NFRKB: variants seen among roughly 807,000 people sequenced by gnomAD.
NFRKB encodes nuclear factor related to kappaB binding protein, also known as nuclear factor related to kappa-B-binding protein.
In NFRKB, 62 loss-of-function variants were observed where a neutral mutation model predicts 135.7. That is an observed-to-expected ratio of 0.46 (90% CI 0.37 to 0.56). The LOEUF is 0.56. Ranked by LOEUF, NFRKB falls within the 20% of genes least tolerant of loss-of-function variation. The pLI is 0.00. For synonymous variants in NFRKB, 678 were observed against 635.6 expected, an observed-to-expected ratio of 1.07 and a Z score of -1.00; for missense variants, 1,545 against 1,662.0, an observed-to-expected ratio of 0.93 and a Z score of 1.22.
At chr11:129,889,246 G>T (rs1022124635) in intron 3 of NFRKB, among the ~76,000 whole-genome samples, 1 of 152,120 alleles carries the variant, frequency 6.6e-6, no homozygotes, top group Non-Finnish European at 1.5e-5. Flanking sequence ...ACAGGCATGA[G>T]CCACCATGCC....
chr11:129,871,892 A>G (rs1386073194), intron 23 of NFRKB, among the ~76,000 whole-genome samples: 1 of 151,172 alleles, frequency 6.6e-6, no homozygotes, highest in East Asian at 2.0e-4. Context: ...TAATCTAACT[A>G]CTGGCAACCT....
At chr11:129,881,975 A>G in intron 11 of NFRKB, 111 bp downstream of exon 11, 1 of 1,471,458 alleles carries the variant, frequency 6.8e-7, no homozygotes, top group Non-Finnish European at 9.1e-7. Flanking sequence ...AAGCAAGTTA[A>G]CTACAGAGCG....
At chr11:129,888,455 G>T in intron 4 of NFRKB, 139 bp downstream of exon 4, 1 of 860,978 alleles carries the variant, frequency 1.2e-6, no homozygotes. Flanking sequence ...ACAGCAAAGT[G>T]TTACACAAAA....
Position 129,869,881 on chromosome 11 carries a change from G to T in NFRKB, c.3144C>A (p.Leu1048=). 6.2e-7 allele frequency: 1 copy of T among 1,614,250 alleles called. No individual in the cohort carries two copies. Among genetic ancestry groups the T allele is most frequent in the Non-Finnish European group, 8.5e-7 (1 of 1,180,050 alleles). Residue 1048 remains leucine, a synonymous_variant, in exon 24 of 27, where the codon CTC becomes CTA. Transcript: ENST00000682444. The part of the protein sequence containing the change: ...GTTVVKVTPD[L]KPTEASSSAF... ...CCGAACTTGAGGCTTCTGTTGGCTT[G>T]AGGTCAGGAGTCACTTTGACCACAG...
At position 129,874,220 on chromosome 11, in the gene NFRKB, G is replaced by A. The variant is rs766915430; in HGVS notation, c.2172C>T (p.Thr724=). The change falls in exon 21 of 27, where the codon ACC becomes ACT. Residue 724 remains threonine (T), a synonymous_variant. Coordinates refer to ENST00000682444, the MANE Select transcript of NFRKB (RefSeq NM_001143835.2). This position sits in a 1 kb window ranked among gnomAD's most constrained non-coding sequence, Gnocchi z 4.5. ...SMPPTPVTPV[T]PTTPALPAIP... ...TGGCGGGCAATGCTGGTGTGGTGGG[G>A]GTTACAGGTGTGACTGGGGTGGGTG... 2.0e-6 allele frequency: 3 copies of A among 1,519,968 alleles called. No homozygotes were observed. Among genetic ancestry groups the A allele is most frequent in the South Asian group, 2.7e-5 (2 of 74,094 alleles). 94.2% of individuals were successfully genotyped at this position (1,519,968 alleles called of 1,614,324 possible).
intron 15 of NFRKB, 58 bp downstream of exon 15, chr11:129,878,251 G>A: frequency 1.3e-6 from 2 of 1,555,084 alleles, no homozygotes; most frequent in African/African-American, 1.4e-5. Flanking sequence ...CAAAACCAAG[G>A]CAGTATCTGA....
In NFRKB at chr11:129,883,173, G is replaced by T. The variant is rs151192421; in HGVS notation, c.850C>A (p.Leu284Ile). Residue 284 changes from leucine to isoleucine, a missense_variant, in exon 9 of 27, where the codon CTC (leucine) becomes ATC (isoleucine). Leu to Ile is a conservative substitution (Grantham distance 5, BLOSUM62 2). Around this residue, in one of 3 missense-constraint regions of NFRKB, gnomAD observed 678 missense variants for 646.7 expected, o/e 1.05. Transcript: ENST00000682444. The part of the protein sequence containing the change: ...HPDLLTGDLT[L>I]NDIMTRVNAG... Reference sequence around the variant, plus strand: ...TTTACTCGAGTCATGATGTCATTGAGAGTCAGGTCCCCTGTCAAAAGGTCC... The same window carrying T: ...TTTACTCGAGTCATGATGTCATTGATAGTCAGGTCCCCTGTCAAAAGGTCC... 6.2e-7 allele frequency: 1 copy of T among 1,614,130 alleles called. No homozygotes were observed. Among genetic ancestry groups the T allele is most frequent in the Non-Finnish European group, 8.5e-7 (1 of 1,180,030 alleles).
chr11:129,881,121 A>G (rs1300417052), intron 13 of NFRKB, among the ~76,000 whole-genome samples: 1 of 152,240 alleles, frequency 6.6e-6, no homozygotes, highest in African/African-American at 2.4e-5. Context: ...ATTACAAATT[A>G]ATCCAAAGTC....
At chr11:129,888,857 C>A (rs76991041) in intron 3 of NFRKB, 62 bp from the exon 4 acceptor site, 1 of 1,225,288 alleles carries the variant, frequency 8.2e-7, no homozygotes, top group Non-Finnish European at 1.2e-6. Context: ...TGTATGTATG[C>A]GTATACAAAA....
intron 15 of NFRKB, among the ~76,000 whole-genome samples, chr11:129,878,087 C>T (rs549614202): frequency 1.4e-4 from 21 of 152,196 alleles, no homozygotes; most frequent in African/African-American, 4.8e-4. Context: ...GGTCATATGC[C>T]CCTTAGAGGC....
chr11:129,887,910 G>A (rs1019977764), intron 4 of NFRKB, among the ~76,000 whole-genome samples: 12 of 152,208 alleles, frequency 7.9e-5, no homozygotes, highest in Non-Finnish European at 1.0e-4. Flanking sequence ...GGTGGCGGGC[G>A]CCTGTAGTCC....
At chr11:129,888,348 G>A in intron 4 of NFRKB, 1 of 649,088 alleles carries the variant, frequency 1.5e-6, no homozygotes, top group African/African-American at 1.9e-5. Context: ...TTTTTATGTA[G>A]ATGCTGGTTA....
At chr11:129,873,705 T>C in intron 22 of NFRKB, 40 bp downstream of exon 22, 1 of 1,598,758 alleles carries the variant, frequency 6.3e-7, no homozygotes, top group East Asian at 2.2e-5. Context: ...CCTCTGGGTC[T>C]GCATCTCTGC....
chr11:129,874,254 G>T lies in NFRKB; in HGVS notation c.2138C>A (p.Ser713Tyr). 6.6e-7 allele frequency: 1 copy of T among 1,517,970 alleles called. No homozygotes were observed. The highest frequency in any genetic ancestry group is 8.8e-7 in the Non-Finnish European group (1 of 1,135,562). The allele number at this position is 1,517,970 out of a possible 1,614,324, so 94.0% of individuals were successfully genotyped here. A position where few individuals can be genotyped will look rare whatever the true frequency, so the allele number is the denominator to read the frequency against. The change falls in exon 21 of 27, where the codon TCC becomes TAC. Residue 713 changes from serine (S) to tyrosine (Y), a missense_variant. Transcript: ENST00000682444. This position sits in a 1 kb window ranked among gnomAD's most constrained non-coding sequence, Gnocchi z 4.5. Reference protein sequence around the residue: ...SEQSQMSLSDSSMPPTPVTPV... With the variant: ...SEQSQMSLSDYSMPPTPVTPV... Reference sequence around the variant, plus strand: ...TGTGACTGGGGTGGGTGGCATACTGGAGTCACTGAGGCTCATCTGGCTCTG... The same window carrying T: ...TGTGACTGGGGTGGGTGGCATACTGTAGTCACTGAGGCTCATCTGGCTCTG...
At chr11:129,890,442 A>C (rs1421582347) in intron 3 of NFRKB, among the ~76,000 whole-genome samples, 1 of 152,210 alleles carries the variant, frequency 6.6e-6, no homozygotes, top group South Asian at 2.1e-4. Context: ...GGAAGTATAT[A>C]CACCAACTGC....
chr11:129,884,770 A>G lies in NFRKB; in HGVS notation c.717T>C (p.Leu239=). ...CTGCAGTTTTCATATCCGTGGTTGA[A>G]AGTGTGGGCACCACCCGCAGGGGCA... ...PAVPLRVVPT[L]STTDMKTADK... The change falls in exon 7 of 27, where the codon CTT becomes CTC. Residue 239 remains leucine (L), a synonymous_variant. Transcript: ENST00000682444. 6.2e-7 allele frequency: 1 copy of G among 1,614,088 alleles called. No homozygotes were observed. The highest frequency in any genetic ancestry group is 8.5e-7 in the Non-Finnish European group (1 of 1,180,016).
rs1483349562 is a variant in NFRKB, at chr11:129,885,489, A to T, written c.586T>A (p.Leu196Ile). The T allele has an allele frequency of 1.1e-5, 18 of 1,613,978 alleles. No individual in the cohort carries two copies. Among genetic ancestry groups the T allele is most frequent in the Non-Finnish European group, 1.5e-5 (18 of 1,179,946 alleles). Residue 196 changes from leucine (L) to isoleucine (I), a missense_variant, in exon 6 of 27, where the codon TTA becomes ATA. Around this residue, in one of 3 missense-constraint regions of NFRKB, gnomAD observed 678 missense variants for 646.7 expected, o/e 1.05. Transcript: ENST00000682444. Reference protein sequence around the residue: ...WRTQQRYLKVLREVKEECGDT... With the variant: ...WRTQQRYLKVIREVKEECGDT... ...CCACACTCCTCTTTCACTTCCCTTA[A>T]GACCTTCAAGTAGCGCTGCTGGGTC...
At chr11:129,891,541 C>G in intron 3 of NFRKB, among the ~76,000 whole-genome samples, 1 of 152,136 alleles carries the variant, frequency 6.6e-6, no homozygotes, top group East Asian at 1.9e-4. Context: ...CTGGGGTGAA[C>G]GACCCCCAGG....
chr11:129,886,827 T>C (rs1272378235), intron 4 of NFRKB, among the ~76,000 whole-genome samples: 1 of 152,130 alleles, frequency 6.6e-6, no homozygotes, highest in African/African-American at 2.4e-5. Flanking sequence ...TTATGGAAGG[T>C]CCCTTACAGA....
Sources: allele counts gnomAD v4.1 joint callset (sites outside exome capture counted in the v4.1 genomes callset), GRCh38; gene constraint gnomAD v4.1.1; regional missense constraint gnomAD v4.1.1; non-coding constraint Gnocchi (gnomAD v3.1); transcripts MANE v1.5; gene names NCBI Gene and HGNC (gene_info 2026-07-23, HGNC 2026-07-21).